Variants in UNC13C observed in about 807,000 individuals in gnomAD.
UNC13C encodes the protein protein unc-13 homolog C.
A neutral mutation model predicts 245.4 loss-of-function variants in UNC13C; 174 were observed. The ratio of observed to expected loss-of-function variants is 0.71; its 90% CI spans 0.63 to 0.80. UNC13C has a LOEUF of 0.80. UNC13C is among the 30% of genes least tolerant of loss of function. The pLI, the probability that UNC13C is intolerant of heterozygous loss-of-function variation, is 0.00. For missense variants in UNC13C, 2,829 were observed against 2,602.9 expected, an observed-to-expected ratio of 1.09 and a Z score of -1.89; for synonymous variants, 992 against 895.1, an observed-to-expected ratio of 1.11 and a Z score of -1.93.
chr15:54,223,361 A>C (rs1324865091), intron 4 of UNC13C, among the ~76,000 whole-genome samples: 3 of 151,938 alleles, frequency 2.0e-5, no homozygotes, highest in Non-Finnish European at 4.4e-5. Flanking sequence ...ATCATTTCCC[A>C]ATGTGTTTTT....
At chr15:54,212,615 A>G (rs2034917358) in intron 4 of UNC13C, among the ~76,000 whole-genome samples, 1 of 152,064 alleles carries the variant, frequency 6.6e-6, no homozygotes. Flanking sequence ...CAAATATCCC[A>G]AATCTACATA....
intron 17 of UNC13C, among the ~76,000 whole-genome samples, chr15:54,370,984 T>C (rs959286194): frequency 1.3e-5 from 2 of 152,206 alleles, no homozygotes; most frequent in Non-Finnish European, 2.9e-5. Context: ...AATTAACATA[T>C]GCATGACCTC....
In UNC13C at chr15:54,188,017, C is replaced by T. The variant is rs148463216; in HGVS notation, c.3071+44333C>T. On this transcript the variant is annotated intron_variant, in intron 4 of 32. Transcript: ENST00000260323. ...ATTTTTTGTAGAGATGGAGTTTCAT[C>T]ATGTTGGTGAGGCTGGTCTGGAACT... Among the ~76,000 whole-genome samples, 388 of 152,174 alleles carry T rather than the reference C, an allele frequency of 2.5e-3. 1 individual carries two copies. The highest frequency in any genetic ancestry group is 3.7e-3 in the Non-Finnish European group (249 of 68,000).
intron 17 of UNC13C, among the ~76,000 whole-genome samples, chr15:54,391,423 A>T (rs1470868460): frequency 1.3e-5 from 2 of 152,084 alleles, no homozygotes; most frequent in Non-Finnish European, 2.9e-5. Flanking sequence ...ACAAAATAAA[A>T]ATAAATTTTA....
At chr15:54,044,331 T>C (rs1339992910) in intron 2 of UNC13C, 1 of 236,876 alleles carries the variant, frequency 4.2e-6, no homozygotes. Context: ...TCCCTCTATA[T>C]GCTGATTGGA....
intron 2 of UNC13C, among the ~76,000 whole-genome samples, chr15:54,121,562 A>G (rs1056813733): frequency 2.0e-5 from 3 of 152,034 alleles, no homozygotes; most frequent in African/African-American, 7.2e-5. Context: ...TTGTATGACA[A>G]TATCATAGTT....
At chr15:53,973,030 T>C in the UNC13C span, among the ~76,000 whole-genome samples, 1 of 151,970 alleles carries the variant, frequency 6.6e-6, no homozygotes, top group Admixed American at 6.6e-5. Context: ...AAATTTGCAT[T>C]TGGAAATCTG....
chr15:54,525,530 G>C lies in UNC13C; in HGVS notation c.5458-19G>C, dbSNP rs369842775. ...TTTCTCAAAACTCCAAAGTAATATTGTTTATGGTCTCTCTGCAGCTAGATT... is the reference window on the plus strand; with the variant it reads ...TTTCTCAAAACTCCAAAGTAATATTCTTTATGGTCTCTCTGCAGCTAGATT... On this transcript the variant is annotated intron_variant, in intron 24 of 32. Transcript: ENST00000260323. 7.5e-6 allele frequency: 12 copies of C among 1,600,818 alleles called. No homozygotes were observed. Among genetic ancestry groups the C allele is most frequent in the Non-Finnish European group, 1.0e-5 (12 of 1,171,318 alleles).
At chr15:54,419,195 G>A (rs1381729323) in intron 19 of UNC13C, among the ~76,000 whole-genome samples, 1 of 152,122 alleles carries the variant, frequency 6.6e-6, no homozygotes, top group Non-Finnish European at 1.5e-5. Flanking sequence ...ATTAAAATAT[G>A]TTTACCTGAG....
chr15:54,088,498 A>G (rs1410006406), intron 2 of UNC13C, among the ~76,000 whole-genome samples: 1 of 152,114 alleles, frequency 6.6e-6, no homozygotes, highest in Non-Finnish European at 1.5e-5. Context: ...GGTTCTGCTG[A>G]TCCATAGGAC....
rs547596837 is a variant in UNC13C at position 54,385,064 on chromosome 15, G to C, written c.4714-7984G>C. Among the ~76,000 whole-genome samples, 4 of 152,232 alleles carry C rather than the reference G, an allele frequency of 2.6e-5. No homozygotes were observed. The East Asian group carries it at 5.8e-4, about 22-fold the overall frequency. On this transcript the variant is annotated intron_variant, in intron 17 of 32. Transcript: ENST00000260323. ...GGGAACTATTACACACTGTTGGTGA[G>C]AGTATAAATTAGTACAACTACTATG...
At chr15:54,328,647 C>G (rs1206994603) in intron 14 of UNC13C, among the ~76,000 whole-genome samples, 1 of 151,988 alleles carries the variant, frequency 6.6e-6, no homozygotes, top group Non-Finnish European at 1.5e-5. Flanking sequence ...CCCTTCCTTA[C>G]AAGAGCTTTT....
the UNC13C span, chr15:53,948,303 C>T: frequency 6.6e-6 from 1 of 152,220 alleles, no homozygotes; most frequent in African/African-American, 2.4e-5. Context: ...GAAGAAAGTA[C>T]TCTGTTGAGA....
chr15:54,121,837 C>T (rs1300785820), intron 2 of UNC13C, among the ~76,000 whole-genome samples: 4 of 151,724 alleles, frequency 2.6e-5, no homozygotes, highest in Non-Finnish European at 5.9e-5. Flanking sequence ...TTATATTTTT[C>T]TCTGTAAAGG....
the UNC13C span, among the ~76,000 whole-genome samples, chr15:53,936,581 C>T: frequency 6.6e-4 from 101 of 152,162 alleles, no homozygotes; most frequent in Non-Finnish European, 1.2e-3. Context: ...TGGGTGAAAC[C>T]TCCCAACAGG....
chr15:53,962,916 A>G, the UNC13C span, among the ~76,000 whole-genome samples: 7 of 152,322 alleles, frequency 4.6e-5, no homozygotes, highest in Admixed American at 4.6e-4. Flanking sequence ...TTTGTACATG[A>G]TAAAATTCAG....
chr15:53,927,759 C>G, the UNC13C span, among the ~76,000 whole-genome samples: 1 of 152,078 alleles, frequency 6.6e-6, no homozygotes, highest in Non-Finnish European at 1.5e-5. Context: ...TGGATCCCTA[C>G]TGGCTTGATC....
chr15:54,629,688 G>GACTT (rs565768315), downstream of UNC13C: 35 of 152,236 alleles, frequency 2.3e-4, no homozygotes, highest in East Asian at 2.5e-3. Flanking sequence ...ACAGAACATT[G>GACTT]ACTTAAGCTC....
downstream of UNC13C, chr15:54,628,852 A>G (rs190427423): frequency 6.6e-6 from 1 of 152,274 alleles, no homozygotes; most frequent in Admixed American, 6.5e-5. Context: ...AATTACTTCA[A>G]TTATTGTAGA....
Sources: gnomAD v4.1 joint callset for allele counts (sites outside exome capture counted in the v4.1 genomes callset) on GRCh38, gnomAD v4.1.1 for gene constraint, MANE v1.5 for transcripts, NCBI Gene and HGNC (gene_info 2026-07-23, HGNC 2026-07-21) for gene names.